Variants in PCDHGA5 observed in about 807,000 individuals in gnomAD.
The protein encoded by PCDHGA5 is protocadherin gamma subfamily A, 5.
Under a neutral mutation model 56.7 loss-of-function variants are expected in PCDHGA5, and 36 were observed. The observed-to-expected ratio is 0.64, with a 90% CI of 0.49 to 0.84. The LOEUF (loss-of-function observed/expected upper bound fraction) is 0.84. PCDHGA5 is among the 40% of genes least tolerant of loss of function. The probability of loss-of-function intolerance (pLI) is 0.00; values close to 1 mark genes in which losing one functional copy is unlikely to be tolerated. For synonymous variants in PCDHGA5, 563 were observed against 520.2 expected (o/e 1.08, Z -1.12); for missense variants, 1,305 against 1,201.5 (o/e 1.09, Z -1.27).
intron 1 of PCDHGA5, chr5:141,411,384 A>G (rs1280664726): frequency 6.6e-6 from 1 of 152,092 alleles, no homozygotes; most frequent in Non-Finnish European, 1.5e-5. Context: ...AGCCTGGGCA[A>G]TATAGGGAGA....
intron 1 of PCDHGA5, chr5:141,393,145 A>G (rs2092690678): frequency 6.2e-7 from 1 of 1,613,324 alleles, no homozygotes; most frequent in Non-Finnish European, 8.5e-7. Context: ...ACCCTGGTTG[A>G]GGATAAAGGA....
At chr5:141,371,382 T>A (rs774974302) in intron 1 of PCDHGA5, 1 of 1,613,888 alleles carries the variant, frequency 6.2e-7, no homozygotes, top group Non-Finnish European at 8.5e-7. Flanking sequence ...TCACACTGCA[T>A]ATTGTAAAGT....
chr5:141,510,833 C>T (rs2099882936), intron 3 of PCDHGA5, 114 bp from the exon 4 acceptor site: 46 of 1,577,678 alleles, frequency 2.9e-5, no homozygotes, highest in South Asian at 2.5e-4. Context: ...CAGTGCTCAG[C>T]GTGGTCAAGG....
intron 1 of PCDHGA5, chr5:141,394,106 T>C: frequency 1.2e-6 from 2 of 1,613,942 alleles, no homozygotes; most frequent in Non-Finnish European, 1.7e-6. Flanking sequence ...GAACACCACC[T>C]CTGTCCACTG....
rs70988800 is a variant in PCDHGA5, at chr5:141,379,889, C to CTTTTTTTTTTTTTTTTTTTT, written c.2421+13149_2421+13168dup. 2.5e-3 allele frequency among the ~76,000 whole-genome samples: 127 copies of CTTTTTTTTTTTTTTTTTTTT among 50,836 alleles called. 11 individuals carry two copies. The highest frequency in any genetic ancestry group is 3.1e-3 in the Non-Finnish European group (79 of 25,888). The allele number at this position is 50,836 out of a possible 152,430, so 33.4% of individuals were successfully genotyped here. On this transcript the variant is annotated intron_variant, in intron 1 of 3. Transcript: ENST00000518069. ...CTTATTTTATGGTCTGTGAAAGCCT[C>CTTTTTTTTTTTTTTTTTTTT]TTTTTTTTTTTTTTTTTTTTTTTTT...
intron 1 of PCDHGA5, chr5:141,478,305 C>T (rs775282798): frequency 2.5e-6 from 4 of 1,614,092 alleles, no homozygotes; most frequent in East Asian, 2.2e-5. Flanking sequence ...TACCGAGCCC[C>T]GGTGAGCTCA....
At chr5:141,418,409 G>C in intron 1 of PCDHGA5, 4 of 1,613,910 alleles carry the variant, frequency 2.5e-6, no homozygotes, top group Admixed American at 1.7e-5. Context: ...GGTGGAGAAA[G>C]ACAATCCTGA....
rs1356357111 is a variant in PCDHGA5 at position 141,370,808 on chromosome 5, T to C, written c.2421+4057T>C. 2.5e-6 allele frequency: 4 copies of C among 1,613,950 alleles called. No individual in the cohort carries two copies. The African/African-American group carries it at 5.3e-5, about 22-fold the overall frequency. On this transcript the variant is annotated intron_variant, in intron 1 of 3. Coordinates refer to ENST00000518069, the MANE Select transcript of PCDHGA5 (RefSeq NM_018918.3). ...CACCGACCTTTAGCCAAAATATCAC[T>C]GAGCTGGAAATCAGCGAACTGGCTC...
intron 1 of PCDHGA5, chr5:141,385,519 T>C (rs1781250310): frequency 2.9e-6 from 4 of 1,366,410 alleles, no homozygotes; most frequent in Admixed American, 3.4e-5. Flanking sequence ...TGAAAGCCTA[T>C]GGACAAGATT....
chr5:141,500,384 T>C (rs956708207), intron 2 of PCDHGA5, among the ~76,000 whole-genome samples: 1 of 151,894 alleles, frequency 6.6e-6, no homozygotes, highest in African/African-American at 2.4e-5. Context: ...AATTATTTTG[T>C]ATTTTTAGTA....
intron 1 of PCDHGA5, chr5:141,382,967 C>T (rs779802932): frequency 6.2e-7 from 1 of 1,609,176 alleles, no homozygotes; most frequent in Non-Finnish European, 8.5e-7. Context: ...CTGGGGACCC[C>T]CTGGGAAGCC....
At chr5:141,460,650 T>C (rs1264813071) in intron 1 of PCDHGA5, among the ~76,000 whole-genome samples, 2 of 152,094 alleles carry the variant, frequency 1.3e-5, no homozygotes, top group East Asian at 3.9e-4. Flanking sequence ...TGTTTACACA[T>C]ATGTAACTGT....
intron 1 of PCDHGA5, among the ~76,000 whole-genome samples, chr5:141,368,490 A>C (rs1765682210): frequency 6.6e-6 from 1 of 152,216 alleles, no homozygotes; most frequent in Admixed American, 6.5e-5. Context: ...AAGAGAATCT[A>C]TACAGTAGGT....
At chr5:141,427,222 A>T (rs536161247) in intron 1 of PCDHGA5, 8 of 456,774 alleles carry the variant, frequency 1.8e-5, no homozygotes, top group Non-Finnish European at 3.5e-5. Flanking sequence ...CGTAGCAGTT[A>T]TACCATGAGA....
chr5:141,432,707 G>T lies in PCDHGA5; in HGVS notation c.2422-62100G>T. The T allele has an allele frequency of 6.2e-7, 1 of 1,613,988 alleles. No homozygotes were observed. The highest frequency in any genetic ancestry group is 1.1e-5 in the South Asian group (1 of 91,080). ...CCTCGTAGTGGCCGTCCAGGACCAC[G>T]GCCAGCCCCCTCTCTCCGCCACTGT... On this transcript the variant is annotated intron_variant, in intron 1 of 3. Transcript: ENST00000518069. The surrounding 1 kb of genome is among the most constrained non-coding windows in gnomAD (Gnocchi z 6.0).
In PCDHGA5 at chr5:141,393,272, A is replaced by C. The variant is rs781226042; in HGVS notation, c.2421+26521A>C. The stretch of plus-strand genomic sequence containing the variant: ...TCGCGGTTCCTGGAGCACGTTATCC[A>C]CTCCCAGAAGCTGTTGACCCGGATG... On this transcript the variant is annotated intron_variant, in intron 1 of 3. Coordinates refer to ENST00000518069, the MANE Select transcript of PCDHGA5 (RefSeq NM_018918.3). The C allele has an allele frequency of 2.5e-6, 4 of 1,613,774 alleles. No homozygotes were observed. The Admixed American group carries it at 6.7e-5, about 27-fold the overall frequency.
At position 141,432,247 on chromosome 5, in the gene PCDHGA5, C is replaced by G. The variant is rs139910620; in HGVS notation, c.2422-62560C>G. 61 of 1,614,264 alleles carry G rather than the reference C, an allele frequency of 3.8e-5. No homozygotes were observed. The African/African-American group carries it at 6.3e-4, about 17-fold the overall frequency. On this transcript the variant is annotated intron_variant, in intron 1 of 3. Transcript: ENST00000518069. The surrounding 1 kb of genome is among the most constrained non-coding windows in gnomAD (Gnocchi z 6.0). ...CTTATTCCCTGGCTGAGAACACCAT[C>G]CAAGGGGCAAGCCTATCGTCCTACG...
At chr5:141,427,550 C>T (rs1310933864) in intron 1 of PCDHGA5, 1 of 643,730 alleles carries the variant, frequency 1.6e-6, no homozygotes, top group East Asian at 3.2e-5. Context: ...CCATCACTGC[C>T]ACTGACAAGG....
chr5:141,491,884 G>C lies in PCDHGA5; in HGVS notation c.2422-2923G>C, dbSNP rs745931108. 5.0e-5 allele frequency: 73 copies of C among 1,446,372 alleles called. No homozygotes were observed. The highest frequency in any genetic ancestry group is 6.3e-5 in the Non-Finnish European group (69 of 1,094,334). The allele number at this position is 1,446,372 out of a possible 1,614,324, so 89.6% of individuals were successfully genotyped here. A position where few individuals can be genotyped will look rare whatever the true frequency, so the allele number is the denominator to read the frequency against. On this transcript the variant is annotated intron_variant, in intron 1 of 3. Coordinates refer to ENST00000518069, the MANE Select transcript of PCDHGA5 (RefSeq NM_018918.3). The surrounding 1 kb of genome is among the most constrained non-coding windows in gnomAD (Gnocchi z 6.9). The stretch of plus-strand genomic sequence containing the variant: ...AACCAGAGTGGCCGATTAAGGGATG[G>C]GGCTCCGAGCACCGGGGGTGGTGGC...
Sources: allele counts gnomAD v4.1 joint callset (sites outside exome capture counted in the v4.1 genomes callset), GRCh38; gene constraint gnomAD v4.1.1; non-coding constraint Gnocchi (gnomAD v3.1); transcripts MANE v1.5; gene names NCBI Gene and HGNC (gene_info 2026-07-23, HGNC 2026-07-21).